The following FERMT2 variants were observed in gnomAD, a reference collection of about 807,000 sequenced individuals.
FERMT2 encodes the protein FERM domain containing kindlin 2, also known as fermitin family homolog 2.
Under a neutral mutation model 82.7 loss-of-function variants are expected in FERMT2, and 15 were observed. That is an observed-to-expected ratio of 0.18 (90% CI 0.12 to 0.28). The LOEUF (loss-of-function observed/expected upper bound fraction) is 0.28, where lower values mean the gene tolerates loss of function less well. Ranked by LOEUF, FERMT2 falls within the 10% of genes least tolerant of loss-of-function variation. The probability of loss-of-function intolerance (pLI) is 1.00; values close to 1 mark genes in which losing one functional copy is unlikely to be tolerated. For missense variants in FERMT2, 645 were observed against 809.4 expected, an observed-to-expected ratio of 0.80 and a Z score of 2.46; for synonymous variants, 274 against 271.5, an observed-to-expected ratio of 1.01 and a Z score of -0.09.
intron 3 of FERMT2, among the ~76,000 whole-genome samples, chr14:52,902,892 C>CAAAAAAAAAAAAAAAAAAAAAAA (rs1355070805): frequency 2.7e-5 from 1 of 36,756 alleles, no homozygotes; most frequent in Non-Finnish European, 5.0e-5. Flanking sequence ...AAAAAAAAAA[C>CAAAAAAAAAAAAAAAAAAAAAAA]CCCAAAACAC....
In FERMT2 at chr14:52,860,463, T is replaced by C; in HGVS notation, c.1605A>G (p.Ile535Met). ...GATGGGCCTCCAAGATTCTCGCTGT[T>C]ATCTAAACATGAGTAAACATCACCT... ...RYLKKYKNKQ[I>M]TARILEAHQN... is the part of the protein sequence containing the mutation. The change falls in exon 13 of 15, where the codon ATA becomes ATG. Residue 535 changes from isoleucine to methionine, a missense_variant and splice_region_variant. Physicochemically the swap from Ile to Met is conservative, Grantham distance 10. Coordinates refer to ENST00000341590, the MANE Select transcript of FERMT2 (RefSeq NM_006832.3). 1 of 1,611,342 alleles carries C rather than the reference T, an allele frequency of 6.2e-7. No individual in the cohort carries two copies. The highest frequency in any genetic ancestry group is 8.5e-7 in the Non-Finnish European group (1 of 1,178,796).
intron 2 of FERMT2, among the ~76,000 whole-genome samples, chr14:52,943,468 T>C (rs943238036): frequency 6.6e-6 from 1 of 152,046 alleles, no homozygotes; most frequent in Non-Finnish European, 1.5e-5. Context: ...TTCAACTAAA[T>C]GCGAAATGAG....
At chr14:52,913,472 A>C (rs1025958188) in intron 3 of FERMT2, among the ~76,000 whole-genome samples, 1 of 152,150 alleles carries the variant, frequency 6.6e-6, no homozygotes, top group African/African-American at 2.4e-5. Context: ...TTCCTGATTC[A>C]AAGTTCTAGG....
chr14:52,880,834 G>C (rs778413419), intron 6 of FERMT2, among the ~76,000 whole-genome samples: 3 of 151,774 alleles, frequency 2.0e-5, no homozygotes, highest in Non-Finnish European at 2.9e-5. Context: ...ACAATAAAAA[G>C]GTTTAGTTAT....
intron 2 of FERMT2, chr14:52,928,248 ACT>A (rs1889393056): frequency 4.7e-6 from 1 of 213,136 alleles, no homozygotes; most frequent in East Asian, 9.6e-5. Context: ...TGTCATTGTG[ACT>A]TATAAGCACA....
Position 52,860,400 on chromosome 14 carries a change from C to A in FERMT2, c.1668G>T (p.Met556Ile), listed in dbSNP as rs746509189. 6.2e-7 allele frequency: 1 copy of A among 1,613,410 alleles called. No individual in the cohort carries two copies. The highest frequency in any genetic ancestry group is 8.5e-7 in the Non-Finnish European group (1 of 1,179,440). Residue 556 changes from methionine to isoleucine, a missense_variant, in exon 13 of 15, where the codon ATG becomes ATT. By Grantham distance (10) the Met-to-Ile change is conservative. Transcript: ENST00000341590. ...VAQMSLIEAKMRFIQAWQSLP... is the reference protein window; with the variant it reads ...VAQMSLIEAKIRFIQAWQSLP... The stretch of plus-strand genomic sequence containing the variant: ...GTGACTGCCAAGCTTGAATAAATCT[C>A]ATCTTGGCTTCAATTAGACTCATCT...
At chr14:52,898,385 C>A (rs1887423391) in intron 3 of FERMT2, among the ~76,000 whole-genome samples, 1 of 152,060 alleles carries the variant, frequency 6.6e-6, no homozygotes, top group Non-Finnish European at 1.5e-5. Flanking sequence ...TAAAGTTAAT[C>A]CACTTATCCT....
chr14:52,875,195 A>C, intron 8 of FERMT2, 28 bp downstream of exon 8: 1 of 1,584,966 alleles, frequency 6.3e-7, no homozygotes, highest in Non-Finnish European at 8.6e-7. Context: ...AAGCTAAATT[A>C]GTAGGTAAAA....
chr14:52,911,711 T>C lies in FERMT2; in HGVS notation c.391+7412A>G, dbSNP rs139584939. 2.5e-4 allele frequency among the ~76,000 whole-genome samples: 38 copies of C among 151,968 alleles called. 2 individuals carry two copies. In the East Asian group the frequency reaches 7.1e-3, roughly 29 times the overall value. On this transcript the variant is annotated intron_variant, in intron 3 of 14. Transcript: ENST00000341590. ...GAGTTTGCCAACACAGTTTAATCAC[T>C]TGGCAAATCAAATACCCTTCCCTCT...
intron 10 of FERMT2, among the ~76,000 whole-genome samples, chr14:52,870,946 G>T (rs7147258): frequency 0.81 from 122,726 of 152,202 alleles, 50,869 homozygotes; most frequent in Non-Finnish European, 0.9. Flanking sequence ...TGTCCACATC[G>T]GAATACTTCG....
At chr14:52,942,494 G>A (rs1890140146) in intron 2 of FERMT2, among the ~76,000 whole-genome samples, 1 of 151,838 alleles carries the variant, frequency 6.6e-6, no homozygotes, top group Non-Finnish European at 1.5e-5. Context: ...AGTAGAGACG[G>A]GGTTTCATCG....
chr14:52,864,969 T>G (rs904805839), intron 10 of FERMT2, 116 bp from the exon 11 acceptor site: 7 of 665,794 alleles, frequency 1.1e-5, no homozygotes, highest in African/African-American at 1.8e-5. Flanking sequence ...CATAGTATTT[T>G]ATGAAGGCAT....
chr14:52,934,202 T>A (rs1323597575), intron 2 of FERMT2, among the ~76,000 whole-genome samples: 2 of 152,218 alleles, frequency 1.3e-5, no homozygotes, highest in East Asian at 3.9e-4. Flanking sequence ...GCAATCTTAA[T>A]AATCAATTGA....
At chr14:52,869,567 C>A (rs1179289208) in intron 10 of FERMT2, among the ~76,000 whole-genome samples, 2 of 152,188 alleles carry the variant, frequency 1.3e-5, no homozygotes, top group Admixed American at 1.3e-4. Context: ...TCATAGCTCA[C>A]ATCTGTGTAA....
intron 2 of FERMT2, among the ~76,000 whole-genome samples, chr14:52,928,682 T>A (rs2139667415): frequency 6.6e-6 from 1 of 152,286 alleles, no homozygotes; most frequent in Admixed American, 6.5e-5. Context: ...TACCACGGTG[T>A]TTCGAACTTC....
chr14:52,940,062 A>AAATT (rs1890022440), intron 2 of FERMT2, among the ~76,000 whole-genome samples: 1 of 152,188 alleles, frequency 6.6e-6, no homozygotes, highest in East Asian at 1.9e-4. Context: ...TTTAGTTACA[A>AAATT]CATGATGTAA....
chr14:52,893,236 C>A, intron 4 of FERMT2, 57 bp downstream of exon 4: 1 of 1,449,672 alleles, frequency 6.9e-7, no homozygotes. Context: ...ACCAGAAAGA[C>A]AAAGGTACAC....
At chr14:52,861,034 G>T in intron 12 of FERMT2, 1 of 1,507,226 alleles carries the variant, frequency 6.6e-7, no homozygotes, top group Non-Finnish European at 8.8e-7. Context: ...ATATAGCCTG[G>T]CTGTAGATGG....
intron 12 of FERMT2, chr14:52,861,051 G>A (rs776719871): frequency 1.6e-5 from 24 of 1,492,876 alleles, no homozygotes; most frequent in Middle Eastern, 1.7e-4. Flanking sequence ...ATGGCAATGC[G>A]AGGAAAGAAA....
Sources: gnomAD v4.1 joint callset for allele counts (sites outside exome capture counted in the v4.1 genomes callset) on GRCh38, gnomAD v4.1.1 for gene constraint, MANE v1.5 for transcripts, NCBI Gene and HGNC (gene_info 2026-07-23, HGNC 2026-07-21) for gene names.